The following OPRM1 variants were observed in gnomAD, a reference collection of about 807,000 sequenced individuals.
The protein encoded by OPRM1 is opioid receptor mu 1.
OPRM1 carries 27 observed loss-of-function variants against 31.8 expected under a neutral mutation model. The observed-to-expected ratio is 0.85, with a 90% CI of 0.63 to 1.17. The LOEUF (loss-of-function observed/expected upper bound fraction) is 1.17. Among genes scored for constraint, OPRM1 ranks in the 50% most tolerant of loss-of-function variants. OPRM1 has a pLI of 0.00. For synonymous variants in OPRM1, 196 were observed against 189.9 expected (o/e 1.03, Z -0.26); for missense variants, 536 against 511.1 (o/e 1.05, Z -0.47).
intron 1 of OPRM1, chr6:154,086,834 G>A (rs1268217048): frequency 1.0e-6 from 1 of 985,246 alleles, no homozygotes; most frequent in African/African-American, 1.7e-5. Flanking sequence ...ATAACCAACG[G>A]TGAATCTAGC....
intron 3 of OPRM1, among the ~76,000 whole-genome samples, chr6:154,176,082 T>C (rs1033959530): frequency 6.6e-6 from 1 of 152,196 alleles, no homozygotes; most frequent in Non-Finnish European, 1.5e-5. Flanking sequence ...CACATGATTA[T>C]GTCAATAGAT....
intron 1 of OPRM1, among the ~76,000 whole-genome samples, chr6:154,026,314 G>A: frequency 6.6e-6 from 1 of 152,074 alleles, no homozygotes; most frequent in African/African-American, 2.4e-5. Flanking sequence ...ACATATTAGA[G>A]CTAAATTGTA....
intron 3 of OPRM1, among the ~76,000 whole-genome samples, chr6:154,142,818 C>T (rs1012135484): frequency 2.0e-5 from 3 of 152,198 alleles, no homozygotes; most frequent in East Asian, 1.9e-4. Flanking sequence ...TCCACTAGCT[C>T]GGATACCTTC....
chr6:154,018,434 A>C (rs1778139110), intron 1 of OPRM1, among the ~76,000 whole-genome samples: 1 of 151,982 alleles, frequency 6.6e-6, no homozygotes, highest in African/African-American at 2.4e-5. Flanking sequence ...ACAAACAAAC[A>C]AACAAAAAGA....
At chr6:154,036,428 AT>A (rs1313631730), upstream of OPRM1, among the ~76,000 whole-genome samples, 1 of 152,054 alleles carries the variant, frequency 6.6e-6, no homozygotes, top group Non-Finnish European at 1.5e-5. Flanking sequence ...AAACAAAAAA[AT>A]CAATCTCAGC....
chr6:154,092,788 T>C (rs1792576863), intron 3 of OPRM1, among the ~76,000 whole-genome samples: 2 of 152,164 alleles, frequency 1.3e-5, no homozygotes, highest in African/African-American at 2.4e-5. Context: ...TCAGTGATGC[T>C]CAAGGGAACA....
At chr6:154,138,870 C>T (rs976872300) in intron 3 of OPRM1, among the ~76,000 whole-genome samples, 2 of 152,186 alleles carry the variant, frequency 1.3e-5, no homozygotes, top group African/African-American at 4.8e-5. Context: ...AAGATCAATG[C>T]TTGAGATGTT....
rs1583416267 is a variant in OPRM1 at position 154,080,589 on chromosome 6, CCT to C, written c.291-9232_291-9231del. 2.6e-5 allele frequency among the ~76,000 whole-genome samples: 4 copies of C among 152,312 alleles called. No individual in the cohort carries two copies. In the South Asian group the frequency reaches 8.3e-4, roughly 32 times the overall value. Reference sequence around the variant, plus strand: ...TCCTCCCTGTCTCGCTCCCTCTTTTCCTCTCTGTTTTTTTCTGGAACTTGATC... The same window carrying C: ...TCCTCCCTGTCTCGCTCCCTCTTTTCCTCTGTTTTTTTCTGGAACTTGATC... On this transcript the variant is annotated intron_variant, in intron 1 of 3. Coordinates refer to ENST00000330432, the MANE Select transcript of OPRM1 (RefSeq NM_000914.5).
chr6:154,125,795 T>TGATAAATTCACAGGG lies in OPRM1; in HGVS notation c.*7074_*7075insGATAAATTCACAGGG, dbSNP rs1583630111. On this transcript the variant is annotated 3_prime_UTR_variant, in exon 4 of 4. Transcript: ENST00000330432. ...TTGCCCACTAAGGCTAGACATTTTT[T>TGATAAATTCACAGGG]TTTTTTTTTTTTTTTTTTTTTTTTT... Among the ~76,000 whole-genome samples the TGATAAATTCACAGGG allele has an allele frequency of 2.6e-5, 1 of 39,200 alleles. No homozygotes were observed. Among genetic ancestry groups the TGATAAATTCACAGGG allele is most frequent in the African/African-American group, 8.6e-5 (1 of 11,652 alleles). 25.7% of individuals were successfully genotyped at this position (39,200 alleles called of 152,430 possible).
At chr6:154,217,487 C>A (rs181525382) in intron 3 of OPRM1, 1 of 150,074 alleles carries the variant, frequency 6.7e-6, no homozygotes, top group African/African-American at 2.4e-5. Context: ...GCTCATGGCA[C>A]GAGCATCGAT....
intron 3 of OPRM1, among the ~76,000 whole-genome samples, chr6:154,227,067 G>A (rs543003507): frequency 9.4e-4 from 143 of 151,940 alleles, no homozygotes; most frequent in African/African-American, 2.2e-3. Context: ...GTGTGGTGGC[G>A]GACGCCTGTA....
At position 154,122,728 on chromosome 6, in the gene OPRM1, A is replaced by G. The variant is rs141143142; in HGVS notation, c.*4007A>G. Among the ~76,000 whole-genome samples, 1,088 of 152,292 alleles carry G rather than the reference A, an allele frequency of 7.1e-3. 20 individuals are homozygous for G. The highest frequency in any genetic ancestry group is 0.024 in the African/African-American group (1,005 of 41,550). ...TGTGGCAAATGTTCAACCTTTTGTTATGCAATATCACCCATATCAAATACC... is the reference window on the plus strand; with the variant it reads ...TGTGGCAAATGTTCAACCTTTTGTTGTGCAATATCACCCATATCAAATACC... On this transcript the variant is annotated 3_prime_UTR_variant, in exon 4 of 4. Coordinates refer to ENST00000330432, the MANE Select transcript of OPRM1 (RefSeq NM_000914.5).
intron 3 of OPRM1, among the ~76,000 whole-genome samples, chr6:154,211,260 C>T (rs147620815): frequency 1.2e-4 from 18 of 151,966 alleles, no homozygotes; most frequent in African/African-American, 3.9e-4. Context: ...ACTAAAAATA[C>T]AAAAAATTAG....
At chr6:154,231,935 AATCATTG>A (rs1779756640) in intron 3 of OPRM1, among the ~76,000 whole-genome samples, 1 of 152,222 alleles carries the variant, frequency 6.6e-6, no homozygotes, top group African/African-American at 2.4e-5. Flanking sequence ...CCACACAAAT[AATCATTG>A]CTCTGAAAGA....
chr6:154,043,385 T>TA (rs972973350), intron 1 of OPRM1, among the ~76,000 whole-genome samples: 3 of 152,244 alleles, frequency 2.0e-5, no homozygotes, highest in Admixed American at 2.0e-4. Flanking sequence ...TTCTATATAC[T>TA]AAATATTTGA....
At chr6:154,089,765 T>C in intron 1 of OPRM1, 61 bp from the exon 2 acceptor site, 1 of 1,129,406 alleles carries the variant, frequency 8.9e-7, no homozygotes, top group Non-Finnish European at 1.3e-6. Flanking sequence ...TATTGGAAGC[T>C]TACCTATATT....
intron 3 of OPRM1, among the ~76,000 whole-genome samples, chr6:154,101,607 A>G (rs1179200765): frequency 6.6e-6 from 1 of 152,196 alleles, no homozygotes; most frequent in African/African-American, 2.4e-5. Flanking sequence ...CAGATGCAAA[A>G]TGTTCACAGT....
intron 3 of OPRM1, among the ~76,000 whole-genome samples, chr6:154,166,667 T>C (rs1056517549): frequency 2.0e-5 from 3 of 152,110 alleles, no homozygotes; most frequent in African/African-American, 4.8e-5. Context: ...ACCGGTAGAG[T>C]CCATTCAATG....
At chr6:154,236,956 C>A (rs1251568218) in intron 3 of OPRM1, among the ~76,000 whole-genome samples, 2 of 152,202 alleles carry the variant, frequency 1.3e-5, no homozygotes, top group Non-Finnish European at 2.9e-5. Flanking sequence ...TCCCTAAATT[C>A]TGACTCCTTA....
Sources: allele counts gnomAD v4.1 joint callset (sites outside exome capture counted in the v4.1 genomes callset), GRCh38; gene constraint gnomAD v4.1.1; transcripts MANE v1.5; gene names NCBI Gene and HGNC (gene_info 2026-07-23, HGNC 2026-07-21).